Variants in CFLAR observed in about 807,000 individuals in gnomAD.
CFLAR encodes CASP8 and FADD like apoptosis regulator, also known as CASP8 and FADD-like apoptosis regulator.
In CFLAR, 14 loss-of-function variants were observed where a neutral mutation model predicts 51.1. The ratio of observed to expected loss-of-function variants is 0.27; its 90% CI spans 0.18 to 0.43. CFLAR has a LOEUF of 0.43. Among genes scored for constraint, CFLAR ranks in the 20% least tolerant of loss-of-function variants. The pLI, the probability that CFLAR is intolerant of heterozygous loss-of-function variation, is 1.00. For synonymous variants in CFLAR, 210 were observed against 211.6 expected (o/e 0.99, Z 0.06); for missense variants, 390 against 566.5 (o/e 0.69, Z 3.16).
chr2:201,136,227 G>A (rs1480677463), intron 4 of CFLAR, 120 bp downstream of exon 4: 8 of 1,607,980 alleles, frequency 5.0e-6, no homozygotes, highest in South Asian at 3.3e-5. Context: ...GATGACCAAA[G>A]CCTCCTTTAG....
intron 5 of CFLAR, chr2:201,141,589 TG>T: frequency 7.7e-7 from 1 of 1,306,490 alleles, no homozygotes; most frequent in South Asian, 2.2e-5. Context: ...TAAATATCCT[TG>T]TACTTCTTTG....
rs1369836812 is a variant in CFLAR, at chr2:201,149,186, C to G, written c.711+134C>G. The G allele has an allele frequency of 1.3e-5, 8 of 613,858 alleles. No homozygotes were observed. In the East Asian group the frequency reaches 2.2e-4, roughly 17 times the overall value. 38.0% of individuals were successfully genotyped at this position (613,858 alleles called of 1,614,324 possible). A position where few individuals can be genotyped will look rare whatever the true frequency, so the allele number is the denominator to read the frequency against. On this transcript the variant is annotated intron_variant, in intron 7 of 9. Coordinates refer to ENST00000309955, the MANE Select transcript of CFLAR (RefSeq NM_003879.7). ...GAGAGTGTTGTTCTCCTGAGAACTT[C>G]CATACAAGGGAACCCTGAATAACAA...
chr2:201,167,274 TG>T lies in CFLAR; in HGVS notation c.*3303del, dbSNP rs1329473049. ...ATCTGAGTACTTTGGGAGGCTGAGG[TG>T]GACTGATCACTTGAGCCCAGGAGTT... On this transcript the variant is annotated 3_prime_UTR_variant, in exon 10 of 10. Transcript: ENST00000309955. 1 of 152,018 alleles carries T rather than the reference TG, an allele frequency of 6.6e-6. No individual in the cohort carries two copies. The highest frequency in any genetic ancestry group is 1.5e-5 in the Non-Finnish European group (1 of 68,064). 9.4% of individuals were successfully genotyped at this position (152,018 alleles called of 1,614,324 possible).
At chr2:201,163,605 G>C (rs1943271888) in intron 9 of CFLAR, 8 of 1,333,272 alleles carry the variant, frequency 6.0e-6, no homozygotes, top group Non-Finnish European at 7.7e-6. Flanking sequence ...GTTATCATCT[G>C]GCTGGTATGT....
At chr2:201,150,306 C>G (rs1458388604) in intron 8 of CFLAR, 2 of 150,896 alleles carry the variant, frequency 1.3e-5, no homozygotes. Flanking sequence ...CGCACTGTAG[C>G]CTGGGTGACA....
intron 2 of CFLAR, among the ~76,000 whole-genome samples, chr2:201,131,060 A>G (rs944164975): frequency 3.3e-5 from 5 of 152,076 alleles, no homozygotes; most frequent in South Asian, 2.1e-4. Context: ...AACCACATTT[A>G]AGTCCCTTCA....
intron 6 of CFLAR, among the ~76,000 whole-genome samples, chr2:201,147,292 G>T (rs1940383362): frequency 6.6e-6 from 1 of 152,150 alleles, no homozygotes; most frequent in African/African-American, 2.4e-5. Flanking sequence ...ACTTTGGGAG[G>T]TCGAGGTGGG....
At position 201,166,286 on chromosome 2, in the gene CFLAR, G is replaced by A; in HGVS notation, c.*2313G>A. ...GACCCCCACGCCTCCCTCCCGGACGGGGCGGCTGCCAGGCGGAGGGGCTCC... is the reference window on the plus strand; with the variant it reads ...GACCCCCACGCCTCCCTCCCGGACGAGGCGGCTGCCAGGCGGAGGGGCTCC... On this transcript the variant is annotated 3_prime_UTR_variant, in exon 10 of 10. Transcript: ENST00000309955. 6.2e-6 allele frequency: 1 copy of A among 161,916 alleles called. No homozygotes were observed. The highest frequency in any genetic ancestry group is 1.3e-5 in the Non-Finnish European group (1 of 74,866). 10.0% of individuals were successfully genotyped at this position (161,916 alleles called of 1,614,324 possible). A position where few individuals can be genotyped will look rare whatever the true frequency, so the allele number is the denominator to read the frequency against.
chr2:201,132,816 T>C (rs554857169), intron 2 of CFLAR: 23 of 418,264 alleles, frequency 5.5e-5, no homozygotes, highest in African/African-American at 4.2e-4. Flanking sequence ...TACCATCTCC[T>C]ATTAAACGGG....
At chr2:201,119,223 T>G (rs1368531960) in intron 1 of CFLAR, 1 of 152,148 alleles carries the variant, frequency 6.6e-6, no homozygotes, top group Non-Finnish European at 1.5e-5. Context: ...CCTACCAACA[T>G]TTATTGAGCT....
At chr2:201,125,483 G>A (rs925854352) in intron 1 of CFLAR, among the ~76,000 whole-genome samples, 7 of 152,064 alleles carry the variant, frequency 4.6e-5, no homozygotes, top group African/African-American at 1.7e-4. Context: ...TAGAGAGGAT[G>A]AAGAGAGTAG....
Position 201,118,888 on chromosome 2 carries a change from G to A in CFLAR, c.-138+2407G>A, listed in dbSNP as rs1322149836. On this transcript the variant is annotated intron_variant, in intron 1 of 9. Coordinates refer to ENST00000309955, the MANE Select transcript of CFLAR (RefSeq NM_003879.7). The surrounding 1 kb of genome is among the most constrained non-coding windows in gnomAD (Gnocchi z 5.1). Reference sequence around the variant, plus strand: ...GGCGGAGATCCAGTGGGAAGAGCCGGCGGCTGCCCGGGCGTGAGTAGACCG... The same window carrying A: ...GGCGGAGATCCAGTGGGAAGAGCCGACGGCTGCCCGGGCGTGAGTAGACCG... 6.6e-6 allele frequency: 1 copy of A among 152,448 alleles called. No individual in the cohort carries two copies. Among genetic ancestry groups the A allele is most frequent in the African/African-American group, 2.4e-5 (1 of 41,458 alleles). The allele number at this position is 152,448 out of a possible 1,614,324, so 9.4% of individuals were successfully genotyped here.
At position 201,174,333 on chromosome 2, in the gene CFLAR, G is replaced by A. The variant is rs1019372900; in HGVS notation, c.*10360G>A. On this transcript the variant is annotated 3_prime_UTR_variant, in exon 10 of 10. Coordinates refer to ENST00000309955, the MANE Select transcript of CFLAR (RefSeq NM_003879.7). ...CAGCCTCATTCTTTTGCACATAAAT[G>A]TTCACTTGTCTTAGCATTACTTATT... The A allele has an allele frequency of 6.6e-6, 1 of 152,132 alleles. No individual in the cohort carries two copies. Among genetic ancestry groups the A allele is most frequent in the African/African-American group, 2.4e-5 (1 of 41,420 alleles). 9.4% of individuals were successfully genotyped at this position (152,132 alleles called of 1,614,324 possible).
At chr2:201,154,773 AT>A (rs1241201564) in intron 8 of CFLAR, among the ~76,000 whole-genome samples, 1 of 152,254 alleles carries the variant, frequency 6.6e-6, no homozygotes, top group East Asian at 1.9e-4. Flanking sequence ...TCCCCCAAGT[AT>A]TTAAAGCTTT....
Position 201,161,090 on chromosome 2 carries a change from CAG to C in CFLAR, c.1304+149_1304+150del, listed in dbSNP as rs1575953309. The C allele has an allele frequency of 5.0e-5, 30 of 598,426 alleles. No individual in the cohort carries two copies. The East Asian group carries it at 8.0e-4, about 16-fold the overall frequency. 37.1% of individuals were successfully genotyped at this position (598,426 alleles called of 1,614,324 possible). On this transcript the variant is annotated intron_variant, in intron 9 of 9. Transcript: ENST00000309955. Reference sequence around the variant, plus strand: ...CTGCATTGGGCTTGCCCTAGGACTACAGTATAGACCCGGCATGATTTATAAAT... The same window carrying C: ...CTGCATTGGGCTTGCCCTAGGACTACTATAGACCCGGCATGATTTATAAAT...
intron 9 of CFLAR, chr2:201,162,569 A>G (rs539485727): frequency 1.5e-5 from 3 of 197,890 alleles, no homozygotes; most frequent in East Asian, 2.5e-4. Context: ...TATCTGCTGC[A>G]TTGAACTTGA....
intron 1 of CFLAR, among the ~76,000 whole-genome samples, chr2:201,117,297 C>T (rs1575568322): frequency 6.6e-6 from 1 of 152,088 alleles, no homozygotes; most frequent in Non-Finnish European, 1.5e-5. Flanking sequence ...CGCCTCAAAA[C>T]GACTGGGAAA....
In CFLAR at chr2:201,149,031, A is replaced by G; in HGVS notation, c.690A>G (p.Glu230=). 1.2e-6 allele frequency: 2 copies of G among 1,612,268 alleles called. No individual in the cohort carries two copies. The highest frequency in any genetic ancestry group is 1.7e-6 in the Non-Finnish European group (2 of 1,178,324). The change falls in exon 7 of 10, where the codon GAA becomes GAG. Residue 230 remains glutamate, a synonymous_variant. Transcript: ENST00000309955. ...QQEPVKKSIQ[E]SEAFLPQSIP... is the part of the protein sequence containing the mutation. ...AACCAGTGAAGAAATCCATTCAGGA[A>G]TCAGAAGCTTTTTTGCCTCAGGTAC... is the stretch of plus-strand genomic sequence containing the variant.
In CFLAR at chr2:201,118,639, T is replaced by A. The variant is rs926564355; in HGVS notation, c.-138+2158T>A. 3.3e-5 allele frequency: 5 copies of A among 152,084 alleles called. No homozygotes were observed. Among genetic ancestry groups the A allele is most frequent in the Admixed American group, 3.3e-4 (5 of 15,276 alleles). The allele number at this position is 152,084 out of a possible 1,614,324, so 9.4% of individuals were successfully genotyped here. The stretch of plus-strand genomic sequence containing the variant: ...GGGGCGGGGAATTCCGCAGACAGGA[T>A]TCTAGAATTTATGTCTTGTGTGGTA... On this transcript the variant is annotated intron_variant, in intron 1 of 9. Transcript: ENST00000309955. This position sits in a 1 kb window ranked among gnomAD's most constrained non-coding sequence, Gnocchi z 5.1.
Sources: gnomAD v4.1 joint callset for allele counts (sites outside exome capture counted in the v4.1 genomes callset) on GRCh38, gnomAD v4.1.1 for gene constraint, Gnocchi (gnomAD v3.1) non-coding constraint, MANE v1.5 for transcripts, NCBI Gene and HGNC (gene_info 2026-07-23, HGNC 2026-07-21) for gene names.